The following NSUN6 variants were observed in gnomAD, a reference collection of about 807,000 sequenced individuals.
NSUN6 encodes NOP2/Sun RNA methyltransferase 6, also known as tRNA (cytosine(72)-C(5))-methyltransferase NSUN6.
In NSUN6, 64 loss-of-function variants were observed where a neutral mutation model predicts 58.0. That is an observed-to-expected ratio of 1.10 (90% CI 0.90 to 1.36). The LOEUF is 1.36. Among genes scored for constraint, NSUN6 ranks in the 40% most tolerant of loss-of-function variants. NSUN6 has a pLI of 0.00. For missense variants in NSUN6, 701 were observed against 550.1 expected (o/e 1.27, Z -2.74); for synonymous variants, 231 against 193.9 (o/e 1.19, Z -1.59).
chr10:18,566,118 AC>A (rs2055913831), intron 8 of NSUN6, among the ~76,000 whole-genome samples: 2 of 134,522 alleles, frequency 1.5e-5, no homozygotes, highest in Admixed American at 1.5e-4. Context: ...ATTCCATTCC[AC>A]ATTTCATTCC....
chr10:18,597,178 A>G (rs1424290247), intron 6 of NSUN6, among the ~76,000 whole-genome samples: 1 of 152,234 alleles, frequency 6.6e-6, no homozygotes, highest in East Asian at 1.9e-4. Flanking sequence ...GTCATATTAA[A>G]TCATTAATTT....
intron 7 of NSUN6, among the ~76,000 whole-genome samples, chr10:18,588,339 T>C (rs2057249949): frequency 6.6e-6 from 1 of 152,218 alleles, no homozygotes; most frequent in Non-Finnish European, 1.5e-5. Flanking sequence ...TGGGCACAGC[T>C]TGGGCAGACT....
At chr10:18,658,702 G>A, upstream of NSUN6, 18 of 970,776 alleles carry the variant, frequency 1.9e-5, no homozygotes, top group Non-Finnish European at 2.1e-5. Context: ...ATTCTTTTCA[G>A]AACTAAGAAT....
intron 9 of NSUN6, among the ~76,000 whole-genome samples, chr10:18,548,901 C>G (rs10764587): frequency 0.78 from 118,448 of 152,130 alleles, 46,292 homozygotes; most frequent in East Asian, 0.98. Context: ...CCAAACATCA[C>G]CAAGTCCTAT....
chr10:18,632,546 A>T (rs1187531319), intron 3 of NSUN6, among the ~76,000 whole-genome samples: 5 of 151,560 alleles, frequency 3.3e-5, no homozygotes, highest in Admixed American at 6.6e-5. Flanking sequence ...AATGAACTCA[A>T]ACACATTTAC....
intron 8 of NSUN6, among the ~76,000 whole-genome samples, chr10:18,573,226 C>T (rs140774510): frequency 4.0e-5 from 6 of 151,336 alleles, no homozygotes; most frequent in East Asian, 2.0e-4. Context: ...TTGCATGCTC[C>T]GTTTCATTTC....
At chr10:18,573,709 G>T (rs1297591972) in intron 8 of NSUN6, among the ~76,000 whole-genome samples, 1 of 152,142 alleles carries the variant, frequency 6.6e-6, no homozygotes, top group Non-Finnish European at 1.5e-5. Flanking sequence ...TTTGAGGGTT[G>T]CTACGAGTCT....
chr10:18,551,193 G>C (rs1453288474), intron 9 of NSUN6, among the ~76,000 whole-genome samples: 3 of 149,294 alleles, frequency 2.0e-5, no homozygotes, highest in Non-Finnish European at 3.0e-5. Flanking sequence ...TATCTTAAAG[G>C]TGAGTCAACT....
At chr10:18,559,475 C>T (rs1298259510) in intron 8 of NSUN6, among the ~76,000 whole-genome samples, 5 of 126,854 alleles carry the variant, frequency 3.9e-5, no homozygotes, top group Non-Finnish European at 5.1e-5. Flanking sequence ...AATGGAGAAT[C>T]GAATGGAGAA....
chr10:18,590,766 G>A (rs778996151), intron 7 of NSUN6, among the ~76,000 whole-genome samples: 1 of 152,132 alleles, frequency 6.6e-6, no homozygotes, highest in Admixed American at 6.5e-5. Context: ...AGTGTTAAGA[G>A]GGAAATTTAT....
At chr10:18,634,866 A>T (rs1442292636) in intron 3 of NSUN6, among the ~76,000 whole-genome samples, 1 of 152,212 alleles carries the variant, frequency 6.6e-6, no homozygotes, top group African/African-American at 2.4e-5. Context: ...TTAAAGTAAC[A>T]GGCTGGAGAC....
At chr10:18,614,439 C>A in intron 5 of NSUN6, 21 bp downstream of exon 5, 2 of 1,403,316 alleles carry the variant, frequency 1.4e-6, no homozygotes, top group South Asian at 3.3e-5. Flanking sequence ...GCTGATTTCC[C>A]CAAAGCACCT....
intron 8 of NSUN6, among the ~76,000 whole-genome samples, chr10:18,582,999 A>G (rs2056972552): frequency 6.6e-6 from 1 of 152,170 alleles, no homozygotes; most frequent in Non-Finnish European, 1.5e-5. Flanking sequence ...TGTGACCTGC[A>G]CATACACATC....
chr10:18,562,049 T>A (rs974100758), intron 8 of NSUN6, among the ~76,000 whole-genome samples: 8 of 141,684 alleles, frequency 5.6e-5, no homozygotes, highest in African/African-American at 2.1e-4. Flanking sequence ...GAATGGAGCA[T>A]GGAATGGAGT....
At chr10:18,600,113 A>G (rs2057746568) in intron 6 of NSUN6, among the ~76,000 whole-genome samples, 1 of 152,126 alleles carries the variant, frequency 6.6e-6, no homozygotes, top group African/African-American at 2.4e-5. Flanking sequence ...ACTTACCACT[A>G]AAAAGCCCCC....
chr10:18,653,877 G>A (rs74638896), upstream of NSUN6, among the ~76,000 whole-genome samples: 7 of 152,162 alleles, frequency 4.6e-5, no homozygotes, highest in African/African-American at 1.7e-4. Flanking sequence ...CTTCATATGG[G>A]CGACATGGCT....
At chr10:18,577,970 T>G (rs1252355604) in intron 8 of NSUN6, among the ~76,000 whole-genome samples, 2 of 152,242 alleles carry the variant, frequency 1.3e-5, no homozygotes, top group African/African-American at 4.8e-5. Flanking sequence ...TTCCCCTCCC[T>G]TGTCCAAGTG....
chr10:18,552,636 G>A (rs548567369), intron 8 of NSUN6, among the ~76,000 whole-genome samples: 2 of 150,472 alleles, frequency 1.3e-5, no homozygotes, highest in African/African-American at 2.5e-5. Flanking sequence ...ATTTCATTCC[G>A]CATTCCATTC....
At chr10:18,616,530 G>A (rs530642302) in intron 3 of NSUN6, among the ~76,000 whole-genome samples, 3 of 152,234 alleles carry the variant, frequency 2.0e-5, no homozygotes, top group South Asian at 4.2e-4. Context: ...GCAATAAAGT[G>A]GCACCAGAAA....
Sources: gnomAD v4.1 joint callset for allele counts (sites outside exome capture counted in the v4.1 genomes callset) on GRCh38, gnomAD v4.1.1 for gene constraint, MANE v1.5 for transcripts, NCBI Gene and HGNC (gene_info 2026-07-23, HGNC 2026-07-21) for gene names.